Variants in CRTAC1 observed in about 807,000 individuals in gnomAD.
CRTAC1 encodes the protein cartilage acidic protein 1.
In CRTAC1, 37 loss-of-function variants were observed where a neutral mutation model predicts 67.8. The ratio of observed to expected loss-of-function variants is 0.55; its 90% CI spans 0.42 to 0.72. The LOEUF (loss-of-function observed/expected upper bound fraction) is 0.72. Ranked by LOEUF, CRTAC1 falls within the 30% of genes least tolerant of loss-of-function variation. The probability of loss-of-function intolerance (pLI) is 0.00; values close to 1 mark genes in which losing one functional copy is unlikely to be tolerated. For synonymous variants in CRTAC1, 348 were observed against 371.0 expected (o/e 0.94, Z 0.71); for missense variants, 780 against 931.6 (o/e 0.84, Z 2.12).
At chr10:97,986,249 C>T (rs73334623) in intron 2 of CRTAC1, among the ~76,000 whole-genome samples, 3,324 of 152,268 alleles carry the variant, frequency 0.022, 110 homozygotes, top group African/African-American at 0.075. Context: ...GAAGCCAAGA[C>T]CTTTGCAAGC....
At chr10:98,016,379 C>A (rs958014629) in intron 1 of CRTAC1, among the ~76,000 whole-genome samples, 1 of 152,304 alleles carries the variant, frequency 6.6e-6, no homozygotes, top group South Asian at 2.1e-4. Context: ...ACAGAAACTG[C>A]TTGCAATTTG....
At chr10:97,874,002 G>C (rs529715012) in intron 14 of CRTAC1, among the ~76,000 whole-genome samples, 1 of 152,298 alleles carries the variant, frequency 6.6e-6, no homozygotes, top group East Asian at 1.9e-4. Context: ...AAGTGGGAAG[G>C]ATAAGCCCTG....
chr10:97,999,244 C>A (rs901155330), intron 2 of CRTAC1, among the ~76,000 whole-genome samples: 2 of 152,234 alleles, frequency 1.3e-5, no homozygotes, highest in African/African-American at 4.8e-5. Context: ...TGCAGCTATC[C>A]AAACCCCAGC....
intron 2 of CRTAC1, among the ~76,000 whole-genome samples, chr10:97,963,285 G>A (rs1469880131): frequency 6.6e-6 from 1 of 152,070 alleles, no homozygotes; most frequent in Admixed American, 6.5e-5. Flanking sequence ...CTCAAAGTGT[G>A]GTCTCTGACC....
intron 2 of CRTAC1, among the ~76,000 whole-genome samples, chr10:97,950,242 CACACAGAGAGAG>C (rs757042729): frequency 1.3e-3 from 154 of 117,596 alleles, no homozygotes; most frequent in African/African-American, 4.7e-3. Flanking sequence ...TGCACACACA[CACACAGAGAGAG>C]AGAGAGAGAG....
chr10:97,892,701 T>A (rs552048176), intron 11 of CRTAC1, among the ~76,000 whole-genome samples: 1 of 152,354 alleles, frequency 6.6e-6, no homozygotes, highest in South Asian at 2.1e-4. Context: ...ACTAATTGCT[T>A]GATAAGTGTC....
intron 2 of CRTAC1, among the ~76,000 whole-genome samples, chr10:97,963,658 T>C (rs1443487090): frequency 2.6e-5 from 4 of 152,222 alleles, no homozygotes; most frequent in African/African-American, 9.6e-5. Context: ...AAATAGAAAT[T>C]CCTCAGGAAG....
At position 97,865,539 on chromosome 10, in the gene CRTAC1, C is replaced by T. The variant is rs761091655; in HGVS notation, c.*9G>A. 2 of 1,601,212 alleles carry T rather than the reference C, an allele frequency of 1.2e-6. No homozygotes were observed. The highest frequency in any genetic ancestry group is 2.2e-5 in the South Asian group (2 of 89,712). ...GGACTCCATCCGCTGGTTCATGTCC[C>T]ACCCCTGCTCAGCAGCTGGGCTCGC... On this transcript the variant is annotated 3_prime_UTR_variant, in exon 15 of 15. Transcript: ENST00000370597.
chr10:97,971,963 C>T (rs1411026779), intron 2 of CRTAC1, among the ~76,000 whole-genome samples: 5 of 152,134 alleles, frequency 3.3e-5, no homozygotes, highest in East Asian at 1.9e-4. Flanking sequence ...TTACGGGATA[C>T]TTCTTTTACC....
chr10:97,912,101 A>G (rs1003970025), intron 5 of CRTAC1, among the ~76,000 whole-genome samples: 8 of 152,144 alleles, frequency 5.3e-5, no homozygotes, highest in African/African-American at 1.9e-4. Flanking sequence ...CAGCTAGAAC[A>G]TAAGAGTGAT....
At chr10:97,907,352 T>G (rs111850650) in intron 6 of CRTAC1, among the ~76,000 whole-genome samples, 2,935 of 140,382 alleles carry the variant, frequency 0.021, 98 homozygotes, top group African/African-American at 0.074. Context: ...GTTCTGCAGG[T>G]AGAGAAGGGG....
At position 97,865,688 on chromosome 10, in the gene CRTAC1, G is replaced by A. The variant is rs763725933; in HGVS notation, c.1846C>T (p.Arg616Cys). Reference sequence around the variant, plus strand: ...GCAGCAGCGGTGGGGGTGGTGGGGCGGGGGCCCGGTGACTGGCCGAGAGTC... The same window carrying A: ...GCAGCAGCGGTGGGGGTGGTGGGGCAGGGGCCCGGTGACTGGCCGAGAGTC... Reference protein sequence around the residue: ...VGTLGQSPGPRPTTPTAAAAT... With the variant: ...VGTLGQSPGPCPTTPTAAAAT... The change falls in exon 15 of 15, where the codon CGC becomes TGC. Residue 616 changes from arginine to cysteine, a missense_variant. By Grantham distance (180) the Arg-to-Cys change is radical. Coordinates refer to ENST00000370597, the MANE Select transcript of CRTAC1 (RefSeq NM_018058.7). 61 of 1,605,170 alleles carry A rather than the reference G, an allele frequency of 3.8e-5. 2 individuals are homozygous for A. The highest frequency in any genetic ancestry group is 7.8e-5 in the South Asian group (7 of 90,038).
intron 2 of CRTAC1, among the ~76,000 whole-genome samples, chr10:97,972,689 G>T (rs1180301207): frequency 1.3e-5 from 2 of 152,154 alleles, no homozygotes; most frequent in Admixed American, 1.3e-4. Flanking sequence ...TAGGGAAATG[G>T]TTGCATAAAT....
At chr10:98,021,616 G>C (rs1020088577) in intron 1 of CRTAC1, among the ~76,000 whole-genome samples, 5 of 152,200 alleles carry the variant, frequency 3.3e-5, no homozygotes, top group Non-Finnish European at 7.3e-5. Flanking sequence ...GTTAAGTGCT[G>C]AGCATAATGC....
chr10:97,893,737 A>ACACC (rs1405670033), intron 11 of CRTAC1, among the ~76,000 whole-genome samples: 2 of 152,110 alleles, frequency 1.3e-5, no homozygotes, highest in African/African-American at 2.4e-5. Flanking sequence ...GATGATGGTC[A>ACACC]CACCCACCCC....
At chr10:97,873,774 G>A (rs991018214) in intron 14 of CRTAC1, among the ~76,000 whole-genome samples, 2 of 152,208 alleles carry the variant, frequency 1.3e-5, no homozygotes, top group African/African-American at 4.8e-5. Flanking sequence ...GAGGGCATGA[G>A]GTTCTGGGCG....
intron 5 of CRTAC1, among the ~76,000 whole-genome samples, chr10:97,911,351 T>G (rs2050685778): frequency 6.6e-6 from 1 of 152,254 alleles, no homozygotes; most frequent in African/African-American, 2.4e-5. Flanking sequence ...ATTAACTAAT[T>G]GGGTTGGGTT....
intron 11 of CRTAC1, among the ~76,000 whole-genome samples, chr10:97,891,880 C>T (rs973223316): frequency 1.3e-5 from 2 of 152,218 alleles, no homozygotes; most frequent in Non-Finnish European, 2.9e-5. Context: ...CTGGGTTGGC[C>T]ACCTGCTGAG....
intron 2 of CRTAC1, among the ~76,000 whole-genome samples, chr10:97,978,391 A>C (rs972280422): frequency 6.6e-6 from 1 of 152,100 alleles, no homozygotes; most frequent in Non-Finnish European, 1.5e-5. Flanking sequence ...TCATACAAAG[A>C]ATGGGAATAA....
Sources: allele counts gnomAD v4.1 joint callset (sites outside exome capture counted in the v4.1 genomes callset), GRCh38; gene constraint gnomAD v4.1.1; transcripts MANE v1.5; gene names NCBI Gene and HGNC (gene_info 2026-07-23, HGNC 2026-07-21).